EPHB1: variants seen among roughly 807,000 people sequenced by gnomAD.
The protein encoded by EPHB1 is ephrin type-B receptor 1.
Under a neutral mutation model 94.4 loss-of-function variants are expected in EPHB1, and 30 were observed. The ratio of observed to expected loss-of-function variants is 0.32; its 90% CI spans 0.24 to 0.43. EPHB1 has a LOEUF of 0.43. Ranked by LOEUF, EPHB1 falls within the 20% of genes least tolerant of loss-of-function variation. EPHB1 has a pLI of 1.00. For synonymous variants in EPHB1, 522 were observed against 489.1 expected (o/e 1.07, Z -0.89); for missense variants, 1,055 against 1,308.3 (o/e 0.81, Z 2.99).
At chr3:134,874,990 C>T (rs1369280066) in intron 1 of EPHB1, among the ~76,000 whole-genome samples, 1 of 152,174 alleles carries the variant, frequency 6.6e-6, no homozygotes, top group African/African-American at 2.4e-5. Flanking sequence ...TTACCTTTTC[C>T]CATGGTTGTC....
intron 1 of EPHB1, among the ~76,000 whole-genome samples, chr3:134,821,575 C>T (rs533856593): frequency 1.4e-4 from 21 of 152,026 alleles, no homozygotes; most frequent in Admixed American, 9.8e-4. Flanking sequence ...CCCTTATGGA[C>T]AAGGTAAAAC....
intron 4 of EPHB1, among the ~76,000 whole-genome samples, chr3:135,118,037 G>A (rs540814861): frequency 2.0e-5 from 3 of 152,232 alleles, no homozygotes; most frequent in African/African-American, 7.2e-5. Context: ...AAGCCACTCA[G>A]TTCTCACAAA....
Position 135,080,080 on chromosome 3 carries a change from C to A in EPHB1, c.806-26368C>A, listed in dbSNP as rs1478751989. ...ATGAGGGATGGGCTAATGTTCCACA[C>A]TTCTTGGGATTGTCACTGTAGCAAC... On this transcript the variant is annotated intron_variant, in intron 3 of 15. Transcript: ENST00000398015. 2.6e-5 allele frequency among the ~76,000 whole-genome samples: 4 copies of A among 152,182 alleles called. No homozygotes were observed. The East Asian group carries it at 7.7e-4, about 29-fold the overall frequency.
At chr3:135,025,035 T>C (rs188375945) in intron 3 of EPHB1, among the ~76,000 whole-genome samples, 2 of 151,792 alleles carry the variant, frequency 1.3e-5, no homozygotes, top group Admixed American at 6.6e-5. Flanking sequence ...TGTTAACATA[T>C]ATTTACAACT....
chr3:135,041,000 C>A (rs966980499), intron 3 of EPHB1, among the ~76,000 whole-genome samples: 2 of 152,112 alleles, frequency 1.3e-5, no homozygotes, highest in African/African-American at 4.8e-5. Context: ...TAAGGCTCAG[C>A]TAGGACTTTA....
chr3:134,811,290 G>A lies in EPHB1; in HGVS notation c.58+15601G>A, dbSNP rs141562576. On this transcript the variant is annotated intron_variant, in intron 1 of 15. Transcript: ENST00000398015. ...TGTCTTGCTCTGTCCCCAGGCTGGA[G>A]TGCAATGGTGCGATCTCAGCTCACC... Among the ~76,000 whole-genome samples the A allele has an allele frequency of 1.4e-4, 17 of 121,506 alleles. No homozygotes were observed. In the East Asian group the frequency reaches 3.3e-3, roughly 23 times the overall value. The allele number at this position is 121,506 out of a possible 152,430, so 79.7% of individuals were successfully genotyped here.
intron 2 of EPHB1, among the ~76,000 whole-genome samples, chr3:134,939,971 G>A (rs1024162829): frequency 6.6e-6 from 1 of 152,206 alleles, no homozygotes; most frequent in African/African-American, 2.4e-5. Context: ...TTGTCTCCTT[G>A]TGGTCTGAGC....
intron 2 of EPHB1, among the ~76,000 whole-genome samples, chr3:134,929,112 G>C (rs1017491787): frequency 6.6e-6 from 1 of 152,174 alleles, no homozygotes; most frequent in Non-Finnish European, 1.5e-5. Flanking sequence ...TAGACGGAGG[G>C]AACAAGGGGC....
rs144066333 is a variant in EPHB1 at position 134,979,340 on chromosome 3, G to A, written c.805+27288G>A. 6.6e-3 allele frequency among the ~76,000 whole-genome samples: 999 copies of A among 152,140 alleles called. 9 individuals are homozygous for A. Among genetic ancestry groups the A allele is most frequent in the African/African-American group, 0.023 (948 of 41,402 alleles). ...AGATTGGCACGTTTCAGTTCTTTCTGTAACTTTAGACTTTTATTCCAAAGG... is the reference window on the plus strand; with the variant it reads ...AGATTGGCACGTTTCAGTTCTTTCTATAACTTTAGACTTTTATTCCAAAGG... On this transcript the variant is annotated intron_variant, in intron 3 of 15. Coordinates refer to ENST00000398015, the MANE Select transcript of EPHB1 (RefSeq NM_004441.5).
intron 3 of EPHB1, among the ~76,000 whole-genome samples, chr3:135,085,722 T>C (rs1938338105): frequency 6.6e-6 from 1 of 152,196 alleles, no homozygotes. Flanking sequence ...GGCCTTGCCC[T>C]CCTTGCCTCT....
At chr3:134,999,569 G>T (rs545449507) in intron 3 of EPHB1, among the ~76,000 whole-genome samples, 7 of 152,226 alleles carry the variant, frequency 4.6e-5, no homozygotes, top group African/African-American at 1.2e-4. Context: ...AAGGAAAGAC[G>T]GTGAGCTGCT....
At chr3:134,808,124 A>G (rs189440535) in intron 1 of EPHB1, among the ~76,000 whole-genome samples, 9 of 152,366 alleles carry the variant, frequency 5.9e-5, no homozygotes, top group African/African-American at 1.9e-4. Flanking sequence ...TAATCAGCAC[A>G]GTCACTTATG....
intron 3 of EPHB1, among the ~76,000 whole-genome samples, chr3:134,973,645 T>C (rs1316074158): frequency 6.6e-6 from 1 of 152,110 alleles, no homozygotes; most frequent in Non-Finnish European, 1.5e-5. Flanking sequence ...TTGGCCAGGC[T>C]AGTCTCGAAC....
intron 3 of EPHB1, among the ~76,000 whole-genome samples, chr3:135,013,993 G>A (rs1167491902): frequency 6.6e-6 from 1 of 152,164 alleles, no homozygotes; most frequent in Middle Eastern, 3.2e-3. Context: ...ATTCCTGCTT[G>A]AGTCGGGAGC....
chr3:134,995,610 A>G (rs1373641108), intron 3 of EPHB1, among the ~76,000 whole-genome samples: 1 of 152,234 alleles, frequency 6.6e-6, no homozygotes, highest in African/African-American at 2.4e-5. Flanking sequence ...ATCACTACAC[A>G]GCAAACAGAA....
At chr3:135,078,051 A>C (rs1204111201) in intron 3 of EPHB1, among the ~76,000 whole-genome samples, 1 of 152,250 alleles carries the variant, frequency 6.6e-6, no homozygotes, top group Non-Finnish European at 1.5e-5. Flanking sequence ...ATGGAACTGC[A>C]GCCCAGAGAG....
chr3:135,034,720 A>T (rs1936589671), intron 3 of EPHB1, among the ~76,000 whole-genome samples: 1 of 152,228 alleles, frequency 6.6e-6, no homozygotes, highest in Non-Finnish European at 1.5e-5. Context: ...CATGGCTTCC[A>T]GAAGCAGGCA....
At chr3:135,157,023 T>G (rs1644145612) in intron 6 of EPHB1, among the ~76,000 whole-genome samples, 1 of 151,586 alleles carries the variant, frequency 6.6e-6, no homozygotes, top group African/African-American at 2.4e-5. Context: ...GTGCCAGGGG[T>G]TTTATAAACA....
chr3:134,941,598 T>C (rs1283393415), intron 2 of EPHB1, among the ~76,000 whole-genome samples: 1 of 152,200 alleles, frequency 6.6e-6, no homozygotes, highest in African/African-American at 2.4e-5. Flanking sequence ...TCAAATCCAC[T>C]CTTGGGGCAT....
Sources: gnomAD v4.1 joint callset for allele counts (sites outside exome capture counted in the v4.1 genomes callset) on GRCh38, gnomAD v4.1.1 for gene constraint, MANE v1.5 for transcripts, NCBI Gene and HGNC (gene_info 2026-07-23, HGNC 2026-07-21) for gene names.